The following CDC25C variants were observed in gnomAD, a reference collection of about 807,000 sequenced individuals.
CDC25C encodes cell division cycle 25C.
Under a neutral mutation model 52.5 loss-of-function variants are expected in CDC25C, and 48 were observed. The ratio of observed to expected loss-of-function variants is 0.91; its 90% CI spans 0.72 to 1.16. The LOEUF (loss-of-function observed/expected upper bound fraction) is 1.16, where lower values mean the gene tolerates loss of function less well. CDC25C is among the 50% of genes most tolerant of loss of function. The pLI, the probability that CDC25C is intolerant of heterozygous loss-of-function variation, is 0.00. For missense variants in CDC25C, 510 were observed against 566.1 expected, an observed-to-expected ratio of 0.90 and a Z score of 1.01; for synonymous variants, 187 against 206.5, an observed-to-expected ratio of 0.91 and a Z score of 0.81.
chr5:138,324,629 G>A (rs954013005), intron 6 of CDC25C, among the ~76,000 whole-genome samples: 3 of 151,704 alleles, frequency 2.0e-5, no homozygotes, highest in Admixed American at 6.6e-5. Flanking sequence ...GTGGTGGCAC[G>A]CACCTGTAAT....
Position 138,286,537 on chromosome 5 carries a change from C to A in CDC25C, c.1120G>T (p.Val374Leu), listed in dbSNP as rs149379419. The A allele has an allele frequency of 4.3e-6, 7 of 1,613,788 alleles. No homozygotes were observed. In the African/African-American group the frequency reaches 6.7e-5, roughly 15 times the overall value. The part of the protein sequence containing the change: ...PLDTQKRIII[V>L]FHCEFSSERG... The stretch of plus-strand genomic sequence containing the variant: ...TCTGAGGAGAATTCACAGTGGAACA[C>A]GATGATTATTCTCTTCTGGGTGTCC... The change falls in exon 12 of 14, where the codon GTG (valine) becomes TTG (leucine). Residue 374 changes from valine (V) to leucine (L), a missense_variant. By Grantham distance (32) the Val-to-Leu change is conservative. Coordinates refer to ENST00000323760, the MANE Select transcript of CDC25C (RefSeq NM_001790.5).
chr5:138,286,432 C>A (rs1247109177), intron 12 of CDC25C, 65 bp downstream of exon 12: 1 of 1,497,850 alleles, frequency 6.7e-7, no homozygotes, highest in Non-Finnish European at 9.1e-7. Flanking sequence ...TCTGTCTGAA[C>A]TGGTGTGGGA....
At chr5:138,328,933 T>G (rs1760108175) in intron 3 of CDC25C, 1 of 169,924 alleles carries the variant, frequency 5.9e-6, no homozygotes, top group African/African-American at 2.4e-5. Context: ...TGAGATGCAG[T>G]CTCGCTCTGT....
intron 7 of CDC25C, among the ~76,000 whole-genome samples, chr5:138,294,216 G>T (rs1677853885): frequency 6.7e-6 from 1 of 149,618 alleles, no homozygotes; most frequent in African/African-American, 2.5e-5. Context: ...TTTTGAGATG[G>T]AGTCTAGCTC....
In CDC25C at chr5:138,323,749, A is replaced by C. The variant is rs190371959; in HGVS notation, c.459+2066T>G. ...GCCGAGGTGGGTGGATCACAAGGTC[A>C]GGAGTTCAAATCAGCCTGGCCAATA... On this transcript the variant is annotated intron_variant, in intron 6 of 13. Transcript: ENST00000323760. Among the ~76,000 whole-genome samples the C allele has an allele frequency of 3.6e-3, 548 of 152,106 alleles. 1 individual carries two copies. Among genetic ancestry groups the C allele is most frequent in the Non-Finnish European group, 4.8e-3 (328 of 67,958 alleles).
intron 7 of CDC25C, among the ~76,000 whole-genome samples, chr5:138,301,494 C>T (rs11744049): frequency 0.12 from 18,869 of 151,572 alleles, 1,593 homozygotes; most frequent in South Asian, 0.23. Flanking sequence ...GTGGCTTCAC[C>T]GGTGAATCGT....
At chr5:138,286,752 T>A (rs915115600) in intron 11 of CDC25C, 122 bp from the exon 12 acceptor site, 16 of 838,094 alleles carry the variant, frequency 1.9e-5, no homozygotes, top group East Asian at 1.3e-4. Flanking sequence ...TATAAGCACC[T>A]TTAGGGCAGG....
chr5:138,313,995 C>CTTTCTT (rs1554117939), intron 7 of CDC25C, among the ~76,000 whole-genome samples: 11,546 of 112,580 alleles, frequency 0.1, 994 homozygotes, highest in Non-Finnish European at 0.16. Flanking sequence ...TTCTTTCTTT[C>CTTTCTT]TTTTTTTTTT....
At chr5:138,329,721 CTCT>C (rs1760190345) in intron 2 of CDC25C, 74 bp from the exon 3 acceptor site, 9 of 660,754 alleles carry the variant, frequency 1.4e-5, no homozygotes, top group South Asian at 3.9e-5. Flanking sequence ...TCATGTCATC[CTCT>C]TCTTTTTTTT....
chr5:138,307,509 A>AAG (rs1758107227), intron 7 of CDC25C, among the ~76,000 whole-genome samples: 1 of 150,604 alleles, frequency 6.6e-6, no homozygotes, highest in African/African-American at 2.5e-5. Context: ...AAAAAAAAAA[A>AAG]AAGAAAAAGA....
chr5:138,331,196 A>C lies in CDC25C; in HGVS notation c.-16T>G. The C allele has an allele frequency of 1.9e-6, 3 of 1,613,330 alleles. No individual in the cohort carries two copies. In the South Asian group the frequency reaches 3.3e-5, roughly 18 times the overall value. ...CCGTAGACATGGTCTTCGAATTCTC[A>C]CCAGGAGAAAAACAAAACCTAGCTA... is the stretch of plus-strand genomic sequence containing the variant. On this transcript the variant is annotated 5_prime_UTR_variant, in exon 2 of 14. Transcript: ENST00000323760.
chr5:138,327,897 C>T (rs907933314), intron 4 of CDC25C, among the ~76,000 whole-genome samples: 46 of 151,024 alleles, frequency 3.0e-4, no homozygotes, highest in African/African-American at 8.5e-4. Context: ...GACGGAGTCT[C>T]GCTCTGTCGC....
chr5:138,290,572 G>C, intron 9 of CDC25C, 67 bp downstream of exon 9: 3 of 903,786 alleles, frequency 3.3e-6, no homozygotes, highest in Middle Eastern at 2.1e-4. Context: ...AGGCATTCTC[G>C]GCAAACAGAG....
intron 8 of CDC25C, 140 bp from the exon 9 acceptor site, chr5:138,290,880 A>C (rs1401348962): frequency 3.4e-6 from 2 of 590,900 alleles, no homozygotes; most frequent in African/African-American, 1.9e-5. Flanking sequence ...ACTTGAGCCC[A>C]GGAGGCCAAG....
chr5:138,338,254 A>G, exon 1 of CDC25C: 1 of 1,108,982 alleles, frequency 9.0e-7, no homozygotes, highest in Non-Finnish European at 1.2e-6. Flanking sequence ...CCGTGGGGCG[A>G]ACCGAGCGCT....
rs1435881152 is a variant in CDC25C at position 138,329,647 on chromosome 5, T to C, written c.195A>G (p.Gly65=). Residue 65 remains glycine (G), a splice_region_variant and synonymous_variant, in exon 3 of 14, where the codon GGA becomes GGG. Transcript: ENST00000323760. The part of the protein sequence containing the change: ...GDSANLSILS[G]GTPKRCLDLS... Reference sequence around the variant, plus strand: ...GATCGAGGCAACGTTTTGGGGTTCCTCTGTTGAGACATAATAGTACATCGA... The same window carrying C: ...GATCGAGGCAACGTTTTGGGGTTCCCCTGTTGAGACATAATAGTACATCGA... The C allele has an allele frequency of 6.3e-7, 1 of 1,582,934 alleles. No homozygotes were observed. The highest frequency in any genetic ancestry group is 1.4e-5 in the African/African-American group (1 of 73,904).
chr5:138,285,767 G>C lies in CDC25C; in HGVS notation c.1347C>G (p.Ser449Arg). 3 of 1,614,190 alleles carry C rather than the reference G, an allele frequency of 1.9e-6. No individual in the cohort carries two copies. In the South Asian group the frequency reaches 3.3e-5, roughly 18 times the overall value. The change falls in exon 14 of 14, where the codon AGC becomes AGG. Residue 449 changes from serine to arginine, a missense_variant. Ser to Arg is a moderately radical substitution (Grantham distance 110). Transcript: ENST00000323760. ...GCTCCCCTTCCTGCACTTTGCTCTG[G>C]CTTCGACACCTCAGCAACTCAGTCT... Reference protein sequence around the residue: ...DHKTELLRCRSQSKVQEGERQ... With the variant: ...DHKTELLRCRRQSKVQEGERQ...
intron 7 of CDC25C, among the ~76,000 whole-genome samples, chr5:138,310,387 A>T (rs1174378082): frequency 1.3e-5 from 2 of 152,026 alleles, no homozygotes; most frequent in African/African-American, 4.8e-5. Context: ...GTCAATTATA[A>T]CCTTCTTCAC....
intron 7 of CDC25C, among the ~76,000 whole-genome samples, chr5:138,299,194 A>G (rs1194030115): frequency 6.7e-4 from 34 of 50,812 alleles, no homozygotes; most frequent in Admixed American, 9.7e-4. Context: ...CTCTGTCTGG[A>G]AAAAAAAAAA....
Sources: allele counts gnomAD v4.1 joint callset (sites outside exome capture counted in the v4.1 genomes callset), GRCh38; gene constraint gnomAD v4.1.1; transcripts MANE v1.5; gene names NCBI Gene and HGNC (gene_info 2026-07-23, HGNC 2026-07-21).